The following PCDH15 variants were observed in gnomAD, a reference collection of about 807,000 sequenced individuals.
PCDH15 encodes the protein protocadherin related 15.
A neutral mutation model predicts 178.5 loss-of-function variants in PCDH15; 129 were observed. The observed-to-expected ratio is 0.72, with a 90% CI of 0.63 to 0.84. PCDH15 has a LOEUF of 0.84. Among genes scored for constraint, PCDH15 ranks in the 40% least tolerant of loss-of-function variants. The probability of loss-of-function intolerance (pLI) is 0.00; values close to 1 mark genes in which losing one functional copy is unlikely to be tolerated. For synonymous variants in PCDH15, 800 were observed against 732.0 expected (o/e 1.09, Z -1.50); for missense variants, 2,230 against 2,099.9 (o/e 1.06, Z -1.21).
intron 3 of PCDH15, among the ~76,000 whole-genome samples, chr10:54,411,810 T>C (rs1400669455): frequency 6.6e-6 from 1 of 152,166 alleles, no homozygotes; most frequent in East Asian, 1.9e-4. Flanking sequence ...GTTGAATTGA[T>C]ACAACTTGTC....
chr10:54,981,562 C>T (rs1226199587), intron 2 of PCDH15, among the ~76,000 whole-genome samples: 1 of 152,034 alleles, frequency 6.6e-6, no homozygotes, highest in Non-Finnish European at 1.5e-5. Context: ...AACCAGATTG[C>T]CAAGAGATAA....
intron 13 of PCDH15, among the ~76,000 whole-genome samples, chr10:54,164,785 G>A (rs765412649): frequency 3.3e-5 from 5 of 152,074 alleles, no homozygotes; most frequent in Non-Finnish European, 5.9e-5. Flanking sequence ...CACATAATGA[G>A]TGCAGATGAC....
At chr10:55,285,583 T>C (rs897476468) in intron 1 of PCDH15, among the ~76,000 whole-genome samples, 2 of 151,878 alleles carry the variant, frequency 1.3e-5, no homozygotes, top group Admixed American at 1.3e-4. Flanking sequence ...TATAGACTTC[T>C]TTTATGAAAT....
intron 18 of PCDH15, among the ~76,000 whole-genome samples, chr10:54,051,378 T>C (rs2093770463): frequency 1.3e-5 from 2 of 152,180 alleles, no homozygotes; most frequent in South Asian, 4.1e-4. Flanking sequence ...TAGAGACTTG[T>C]TGAACGGCTT....
At chr10:54,245,846 G>A (rs192407035) in intron 8 of PCDH15, among the ~76,000 whole-genome samples, 4 of 151,920 alleles carry the variant, frequency 2.6e-5, no homozygotes, top group Non-Finnish European at 5.9e-5. Context: ...AGATATGCTC[G>A]GAGATGTGTT....
chr10:54,644,483 C>A (rs532182926), intron 2 of PCDH15, among the ~76,000 whole-genome samples: 17 of 151,858 alleles, frequency 1.1e-4, no homozygotes, highest in Admixed American at 2.6e-4. Flanking sequence ...CACTCAAGGT[C>A]AACAAAGAGT....
chr10:54,330,707 G>T (rs1175810735), intron 6 of PCDH15, among the ~76,000 whole-genome samples: 1 of 151,856 alleles, frequency 6.6e-6, no homozygotes, highest in East Asian at 1.9e-4. Context: ...GGTATAAGCA[G>T]CCCTCAGTGT....
At chr10:54,728,818 A>C (rs559288891) in intron 1 of PCDH15, among the ~76,000 whole-genome samples, 1 of 151,518 alleles carries the variant, frequency 6.6e-6, no homozygotes, top group Non-Finnish European at 1.5e-5. Flanking sequence ...GCACAATTGC[A>C]TTCATAATAG....
At chr10:54,357,907 A>T (rs1945301579) in intron 5 of PCDH15, among the ~76,000 whole-genome samples, 1 of 152,130 alleles carries the variant, frequency 6.6e-6, no homozygotes, top group African/African-American at 2.4e-5. Context: ...AAAACAAGAA[A>T]TGGGGAAAGG....
At chr10:53,859,907 T>A (rs1002858523) in intron 27 of PCDH15, among the ~76,000 whole-genome samples, 1 of 152,064 alleles carries the variant, frequency 6.6e-6, no homozygotes, top group Admixed American at 6.6e-5. Context: ...TATCTTAGGG[T>A]AGAAACAGGA....
chr10:54,402,038 AT>A (rs1345814021), intron 3 of PCDH15, among the ~76,000 whole-genome samples: 2 of 151,904 alleles, frequency 1.3e-5, no homozygotes, highest in African/African-American at 2.4e-5. Flanking sequence ...AATCTATAAA[AT>A]AATGCATTAT....
chr10:55,330,602 C>A (rs1844174785), intron 2 of PCDH15, among the ~76,000 whole-genome samples: 1 of 151,732 alleles, frequency 6.6e-6, no homozygotes, highest in South Asian at 2.1e-4. Flanking sequence ...ATAAATTAAG[C>A]AGTCCTAGAT....
chr10:53,966,873 CAATT>C (rs1003453599), intron 21 of PCDH15, among the ~76,000 whole-genome samples: 15 of 150,954 alleles, frequency 9.9e-5, no homozygotes, highest in Non-Finnish European at 2.1e-4. Flanking sequence ...ATATATGTGA[CAATT>C]AAATATTTAA....
At chr10:55,382,900 C>T (rs1156704850) in intron 2 of PCDH15, among the ~76,000 whole-genome samples, 1 of 152,156 alleles carries the variant, frequency 6.6e-6, no homozygotes, top group East Asian at 1.9e-4. Flanking sequence ...CTTTTGTGCT[C>T]CAGGCCCACA....
intron 2 of PCDH15, among the ~76,000 whole-genome samples, chr10:55,332,087 A>G (rs1844216680): frequency 6.6e-6 from 1 of 152,160 alleles, no homozygotes; most frequent in African/African-American, 2.4e-5. Flanking sequence ...TTATTTTTCT[A>G]TGTAAATGTC....
intron 2 of PCDH15, among the ~76,000 whole-genome samples, chr10:55,441,711 G>C (rs1839190345): frequency 6.6e-6 from 1 of 152,168 alleles, no homozygotes; most frequent in South Asian, 2.1e-4. Context: ...ACCTGTGATA[G>C]AGTGAATGGT....
chr10:55,615,944 GT>G (rs564269076), intron 2 of PCDH15, among the ~76,000 whole-genome samples: 65 of 152,204 alleles, frequency 4.3e-4, no homozygotes, highest in African/African-American at 1.5e-3. Context: ...GTATAAAGAT[GT>G]TTCTGAAAGT....
intron 1 of PCDH15, among the ~76,000 whole-genome samples, chr10:55,240,925 A>C (rs184437532): frequency 4.6e-5 from 7 of 152,290 alleles, no homozygotes; most frequent in Admixed American, 6.5e-5. Context: ...TTTTATAAAA[A>C]CTGTTTTAAG....
intron 3 of PCDH15, among the ~76,000 whole-genome samples, chr10:54,445,934 C>T (rs2076117067): frequency 6.6e-6 from 1 of 151,466 alleles, no homozygotes; most frequent in Non-Finnish European, 1.5e-5. Context: ...TTCTTCAGTG[C>T]TTTTTTAGAT....
Sources: allele counts gnomAD v4.1 joint callset (sites outside exome capture counted in the v4.1 genomes callset), GRCh38; gene constraint gnomAD v4.1.1; transcripts MANE v1.5; gene names NCBI Gene and HGNC (gene_info 2026-07-23, HGNC 2026-07-21).